Variants in LCTL observed in about 807,000 individuals in gnomAD.
LCTL encodes lactase like, also known as lactase-like protein.
LCTL carries 76 observed loss-of-function variants against 75.8 expected under a neutral mutation model. The observed-to-expected ratio is 1.00, with a 90% CI of 0.83 to 1.21. The LOEUF is 1.21. LCTL is among the 50% of genes most tolerant of loss of function. The pLI is 0.00. For missense variants in LCTL, 670 were observed against 712.4 expected (o/e 0.94, Z 0.68); for synonymous variants, 271 against 268.8 (o/e 1.01, Z -0.08).
rs1385571741 is a variant in LCTL, at chr15:66,564,840, C to A, written c.119-1G>T. 1.2e-6 allele frequency: 2 copies of A among 1,610,356 alleles called. No homozygotes were observed. The highest frequency in any genetic ancestry group is 1.7e-6 in the Non-Finnish European group (2 of 1,179,630). On this transcript the variant is annotated splice_acceptor_variant, in intron 1 of 12. Transcript: ENST00000341509. LOFTEE classifies it high-confidence loss of function. ...GAACTGCCCACGCCCCAGGAGAAGC[C>A]TGCAGGGGGAGACCCGTGCTGGGTC...
At chr15:66,557,196 A>G (rs8025828) in intron 8 of LCTL, among the ~76,000 whole-genome samples, 73,103 of 151,892 alleles carry the variant, frequency 0.48, 18,037 homozygotes, top group East Asian at 0.64. Context: ...GGCTCAGGTG[A>G]GATGATAAAT....
At chr15:66,565,415 C>T (rs771056267) in exon 1 of LCTL, 5 of 1,211,446 alleles carry the variant, frequency 4.1e-6, no homozygotes, top group South Asian at 4.0e-5. Flanking sequence ...GCTCTGCAGG[C>T]CCCTGCAGCC....
exon 9 of LCTL, chr15:66,553,257 T>A (rs934587064): frequency 3.9e-6 from 6 of 1,543,378 alleles, no homozygotes; most frequent in Non-Finnish European, 5.2e-6. Flanking sequence ...CACTCTTTCT[T>A]CCTTTTGAGA....
At position 66,548,586 on chromosome 15, in the gene LCTL, C is replaced by T; in HGVS notation, c.1608G>A (p.Met536Ile). The T allele has an allele frequency of 1.2e-6, 2 of 1,607,068 alleles. No individual in the cohort carries two copies. The highest frequency in any genetic ancestry group is 1.3e-5 in the African/African-American group (1 of 74,904). Residue 536 changes from methionine (M) to isoleucine (I), a missense_variant, in exon 13 of 13, where the codon ATG becomes ATA. Transcript: ENST00000341509. ...GTACCACGATCTCCGTAACCATTTG[C>T]ATGTGACTTAGCAAGGGCTCTGAAA...
At chr15:66,552,420 C>G (rs1022311443) in intron 9 of LCTL, among the ~76,000 whole-genome samples, 8 of 152,098 alleles carry the variant, frequency 5.3e-5, no homozygotes, top group Non-Finnish European at 1.0e-4. Context: ...CCTGTAATCC[C>G]AGCACTTTGG....
chr15:66,565,554 A>C, upstream of LCTL: 1 of 559,334 alleles, frequency 1.8e-6, no homozygotes, highest in Non-Finnish European at 3.1e-6. Context: ...GTGCCTGGGG[A>C]GCTCTGAGAC....
rs747476853 is a variant in LCTL, at chr15:66,552,190, C to G, written c.1198-21G>C. On this transcript the variant is annotated intron_variant, in intron 9 of 12. Transcript: ENST00000341509. ...TGAGTCTGAAAGTGAGTCATAGCAA[C>G]AAATATCTTAAAAATTCTGACCTAC... is the stretch of plus-strand genomic sequence containing the variant. 7.5e-6 allele frequency: 12 copies of G among 1,596,448 alleles called. No individual in the cohort carries two copies. In the East Asian group the frequency reaches 2.5e-4, roughly 33 times the overall value.
chr15:66,564,532 T>G, intron 2 of LCTL, 144 bp downstream of exon 3: 1 of 942,256 alleles, frequency 1.1e-6, no homozygotes, highest in Non-Finnish European at 1.5e-6. Context: ...CTGGCTGCAC[T>G]GGGGTAGAGG....
At chr15:66,549,980 A>G in intron 12 of LCTL, 61 bp downstream of exon 13, 1 of 1,114,114 alleles carries the variant, frequency 9.0e-7, no homozygotes, top group South Asian at 1.8e-5. Context: ...GATTTTGAAA[A>G]TGATATGTAT....
At chr15:66,564,431 G>T in intron 2 of LCTL, 1 of 520,528 alleles carries the variant, frequency 1.9e-6, no homozygotes, top group Non-Finnish European at 3.4e-6. Context: ...CTGAGGCACT[G>T]GCTCAGGTGA....
chr15:66,561,375 G>T, intron 4 of LCTL, 60 bp from the exon 6 acceptor site: 8 of 1,599,880 alleles, frequency 5.0e-6, no homozygotes, highest in Non-Finnish European at 6.8e-6. Flanking sequence ...TAAATGTGGA[G>T]ATAAGCTGTG....
intron 3 of LCTL, 62 bp downstream of exon 4, chr15:66,563,849 T>G (rs954370569): frequency 6.6e-5 from 90 of 1,354,808 alleles, no homozygotes; most frequent in Non-Finnish European, 9.3e-5. Flanking sequence ...GTGGTGCCCC[T>G]GCAAAGCCAA....
At chr15:66,550,462 A>G (rs1895555423) in intron 11 of LCTL, among the ~76,000 whole-genome samples, 1 of 152,134 alleles carries the variant, frequency 6.6e-6, no homozygotes, top group Admixed American at 6.5e-5. Context: ...TTTTAAAATT[A>G]TTTTTATTAA....
chr15:66,562,020 G>C (rs1453927968), intron 4 of LCTL, among the ~76,000 whole-genome samples: 1 of 151,936 alleles, frequency 6.6e-6, no homozygotes, highest in Non-Finnish European at 1.5e-5. Context: ...TCTTTGCCAT[G>C]CGCCCTCCAA....
At position 66,551,684 on chromosome 15, in the gene LCTL, T is replaced by C. The variant is rs550340284; in HGVS notation, c.1502A>G (p.Asn501Ser). 6 of 1,614,084 alleles carry C rather than the reference T, an allele frequency of 3.7e-6. No homozygotes were observed. The African/African-American group carries it at 6.7e-5, about 18-fold the overall frequency. Residue 501 changes from asparagine (N) to serine (S), a missense_variant, in exon 11 of 13, where the codon AAT becomes AGT. Physicochemically the swap from Asn to Ser is conservative, Grantham distance 46 (BLOSUM62 1). Transcript: ENST00000341509. ...TACCTCTCTTGGATTGGGAAACCCA[T>C]TGGCAATGATAATCTTCTTGTAATA...
chr15:66,561,676 C>T (rs905973267), intron 4 of LCTL, among the ~76,000 whole-genome samples: 5 of 152,174 alleles, frequency 3.3e-5, no homozygotes, highest in East Asian at 1.9e-4. Flanking sequence ...CTGCCCATGA[C>T]GGCAGAATTC....
Position 66,548,618 on chromosome 15 carries a change from A to T in LCTL, c.1589-13T>A. 7.3e-7 allele frequency: 1 copy of T among 1,368,252 alleles called. No homozygotes were observed. Among genetic ancestry groups the T allele is most frequent in the Non-Finnish European group, 1.0e-6 (1 of 956,324 alleles). 84.8% of individuals were successfully genotyped at this position (1,368,252 alleles called of 1,614,324 possible). On this transcript the variant is annotated splice_polypyrimidine_tract_variant and intron_variant, in intron 12 of 12. Coordinates refer to ENST00000341509, the Ensembl canonical transcript of LCTL. ...CTTAGCAAGGGCTCTGAAATGACAA[A>T]GAGAACGAGCACCACAAATGAGAAC...
At chr15:66,553,094 G>C in exon 9 of LCTL, 1 of 1,611,056 alleles carries the variant, frequency 6.2e-7, no homozygotes, top group Non-Finnish European at 8.5e-7. Flanking sequence ...CGATCGTTCT[G>C]GTAGCTGGGC....
At chr15:66,561,422 G>T in intron 4 of LCTL, 107 bp from the exon 6 acceptor site, 1 of 1,231,398 alleles carries the variant, frequency 8.1e-7, no homozygotes, top group Non-Finnish European at 1.2e-6. Flanking sequence ...AGGCCGCACA[G>T]GGAGACTGGG....
Sources: gnomAD v4.1 joint callset for allele counts (sites outside exome capture counted in the v4.1 genomes callset) on GRCh38, gnomAD v4.1.1 for gene constraint, MANE v1.5 for transcripts, NCBI Gene and HGNC (gene_info 2026-07-23, HGNC 2026-07-21) for gene names.